The following OCA2 variants were observed in gnomAD, a reference collection of about 807,000 sequenced individuals.
OCA2 encodes the protein P protein.
In OCA2, 77 loss-of-function variants were observed where a neutral mutation model predicts 100.2. That is an observed-to-expected ratio of 0.77 (90% CI 0.64 to 0.93). OCA2 has a LOEUF of 0.93. OCA2 is among the 40% of genes least tolerant of loss of function. The pLI is 0.00. For synonymous variants in OCA2, 432 were observed against 439.2 expected, an observed-to-expected ratio of 0.98 and a Z score of 0.21; for missense variants, 1,062 against 1,089.1, an observed-to-expected ratio of 0.98 and a Z score of 0.35.
chr15:27,966,590 A>T, intron 15 of OCA2, 100 bp downstream of exon 15: 1 of 1,351,756 alleles, frequency 7.4e-7, no homozygotes, highest in Non-Finnish European at 1.1e-6. Flanking sequence ...AGCATCCAGC[A>T]ACCCATCAAC....
rs375760227 is a variant in OCA2, at chr15:27,843,055, A to T, written c.2432+1904T>A. Among the ~76,000 whole-genome samples the T allele has an allele frequency of 4.6e-3, 658 of 142,338 alleles. 9 individuals are homozygous for T. In the Middle Eastern group the frequency reaches 0.06, roughly 13 times the overall value. The allele number at this position is 142,338 out of a possible 152,430, so 93.4% of individuals were successfully genotyped here. Reference sequence around the variant, plus strand: ...GGGTTGCCCTAAAAACCTTCTTTTTAAAAAAATACTAATGCCAGGCCTCCC... The same window carrying T: ...GGGTTGCCCTAAAAACCTTCTTTTTTAAAAAATACTAATGCCAGGCCTCCC... On this transcript the variant is annotated intron_variant, in intron 23 of 23. Transcript: ENST00000354638.
At chr15:28,010,733 G>A (rs1015519011) in intron 9 of OCA2, among the ~76,000 whole-genome samples, 2 of 152,096 alleles carry the variant, frequency 1.3e-5, no homozygotes, top group Non-Finnish European at 2.9e-5. Context: ...GGACTAGAAG[G>A]CCATTCTAAA....
chr15:27,906,558 A>G (rs1475629419), intron 19 of OCA2, among the ~76,000 whole-genome samples: 1 of 152,210 alleles, frequency 6.6e-6, no homozygotes, highest in Non-Finnish European at 1.5e-5. Flanking sequence ...CAAATAGTAG[A>G]ATGAAGCTAA....
intron 1 of OCA2, among the ~76,000 whole-genome samples, chr15:28,084,044 G>A (rs979159516): frequency 6.6e-6 from 1 of 152,226 alleles, no homozygotes; most frequent in South Asian, 2.1e-4. Flanking sequence ...TCTCAGGGAG[G>A]TGACTGGGAT....
intron 18 of OCA2, among the ~76,000 whole-genome samples, chr15:27,939,196 G>A (rs564111746): frequency 1.3e-5 from 2 of 152,182 alleles, no homozygotes; most frequent in Non-Finnish European, 2.9e-5. Context: ...AAGAAAGGAA[G>A]GCATCATAGC....
At chr15:28,092,344 A>G (rs77114491) in intron 1 of OCA2, among the ~76,000 whole-genome samples, 2 of 152,102 alleles carry the variant, frequency 1.3e-5, no homozygotes, top group East Asian at 1.9e-4. Flanking sequence ...GAATATACTG[A>G]AAAAAAACAT....
intron 23 of OCA2, among the ~76,000 whole-genome samples, chr15:27,796,619 G>C (rs1015097382): frequency 1.3e-5 from 2 of 152,238 alleles, no homozygotes; most frequent in African/African-American, 4.8e-5. Flanking sequence ...TGCTCAGCGA[G>C]TGCTGGTTTC....
At chr15:27,832,013 CT>C (rs1005641954) in intron 23 of OCA2, among the ~76,000 whole-genome samples, 1 of 152,000 alleles carries the variant, frequency 6.6e-6, no homozygotes, top group South Asian at 2.1e-4. Flanking sequence ...TCACCACCCC[CT>C]GCTCCGTCAG....
chr15:27,723,012 T>C, the OCA2 span, among the ~76,000 whole-genome samples: 1 of 151,796 alleles, frequency 6.6e-6, no homozygotes, highest in African/African-American at 2.4e-5. Context: ...TGGCTAATTT[T>C]TTGTATTTTT....
intron 19 of OCA2, among the ~76,000 whole-genome samples, chr15:27,882,044 G>T (rs958712702): frequency 6.6e-6 from 1 of 152,116 alleles, no homozygotes; most frequent in African/African-American, 2.4e-5. Context: ...TGCTTTAGCT[G>T]CATCCCAGAG....
chr15:28,033,274 T>C lies in OCA2; in HGVS notation c.228-1111A>G, dbSNP rs191090967. 4.6e-4 allele frequency among the ~76,000 whole-genome samples: 70 copies of C among 152,356 alleles called. No homozygotes were observed. In the East Asian group the frequency reaches 8.7e-3, roughly 19 times the overall value. ...ATATGTCATTTTATATGCTGATGCATTGCCTTTCTTACAGGATCCCAGGCC... is the reference window on the plus strand; with the variant it reads ...ATATGTCATTTTATATGCTGATGCACTGCCTTTCTTACAGGATCCCAGGCC... On this transcript the variant is annotated intron_variant, in intron 2 of 23. Transcript: ENST00000354638.
intron 23 of OCA2, among the ~76,000 whole-genome samples, chr15:27,760,674 T>C (rs930702852): frequency 2.0e-5 from 3 of 152,084 alleles, no homozygotes; most frequent in African/African-American, 7.2e-5. Flanking sequence ...AAGTTTCTCA[T>C]ATTAACTACT....
At position 28,060,266 on chromosome 15, in the gene OCA2, C is replaced by T. The variant is rs914689080; in HGVS notation, c.227+21382G>A. Among the ~76,000 whole-genome samples, 6 of 152,358 alleles carry T rather than the reference C, an allele frequency of 3.9e-5. No individual in the cohort carries two copies. The East Asian group carries it at 7.7e-4, about 20-fold the overall frequency. ...GGACACTGCTCCAGCAAGGCCTGCA[C>T]GCCCTCTAGCTGGGGCACTGCAGGC... On this transcript the variant is annotated intron_variant, in intron 2 of 23. Transcript: ENST00000354638.
At chr15:27,877,063 T>A (rs929489008) in intron 19 of OCA2, among the ~76,000 whole-genome samples, 11 of 151,960 alleles carry the variant, frequency 7.2e-5, no homozygotes, top group Non-Finnish European at 1.2e-4. Flanking sequence ...CACTCAAAAA[T>A]TTTTTATATA....
chr15:27,997,785 C>T (rs2041798586), intron 9 of OCA2, among the ~76,000 whole-genome samples: 2 of 129,258 alleles, frequency 1.5e-5, no homozygotes, highest in South Asian at 4.6e-4. Flanking sequence ...GCCATTTTCA[C>T]GATATTGATT....
intron 18 of OCA2, among the ~76,000 whole-genome samples, chr15:27,938,208 C>T (rs2311843): frequency 0.16 from 24,341 of 152,158 alleles, 3,459 homozygotes; most frequent in East Asian, 0.79. Flanking sequence ...AGATTAGGTC[C>T]TCTTAAACCA....
At chr15:27,771,679 A>G (rs2031878647) in intron 23 of OCA2, among the ~76,000 whole-genome samples, 2 of 152,200 alleles carry the variant, frequency 1.3e-5, no homozygotes, top group African/African-American at 4.8e-5. Flanking sequence ...AAAATCACCC[A>G]TTGTGTGAAA....
At chr15:28,017,371 G>A (rs1171238025) in intron 7 of OCA2, among the ~76,000 whole-genome samples, 1 of 152,154 alleles carries the variant, frequency 6.6e-6, no homozygotes, top group Non-Finnish European at 1.5e-5. Context: ...TTTAATCTGG[G>A]TTATTAATAT....
chr15:27,958,331 G>A (rs939335547), intron 15 of OCA2, among the ~76,000 whole-genome samples: 6 of 152,174 alleles, frequency 3.9e-5, no homozygotes, highest in African/African-American at 9.7e-5. Context: ...GAAATATTTC[G>A]GATCTGCTTC....
Sources: allele counts gnomAD v4.1 joint callset (sites outside exome capture counted in the v4.1 genomes callset), GRCh38; gene constraint gnomAD v4.1.1; transcripts MANE v1.5; gene names NCBI Gene and HGNC (gene_info 2026-07-23, HGNC 2026-07-21).